The following ABCC9 variants were observed in gnomAD, a reference collection of about 807,000 sequenced individuals.
The protein encoded by ABCC9 is ATP-binding cassette sub-family C member 9.
ABCC9 carries 95 observed loss-of-function variants against 188.3 expected under a neutral mutation model. That is an observed-to-expected ratio of 0.50 (90% CI 0.43 to 0.60). The LOEUF is 0.60. Ranked by LOEUF, ABCC9 falls within the 20% of genes least tolerant of loss-of-function variation. The probability of loss-of-function intolerance (pLI) is 0.00; values close to 1 mark genes in which losing one functional copy is unlikely to be tolerated. For synonymous variants in ABCC9, 659 were observed against 652.7 expected, an observed-to-expected ratio of 1.01 and a Z score of -0.15; for missense variants, 1,102 against 1,876.3, an observed-to-expected ratio of 0.59 and a Z score of 7.62.
chr12:21,898,459 G>T (rs183111745), intron 12 of ABCC9, among the ~76,000 whole-genome samples: 113 of 152,230 alleles, frequency 7.4e-4, no homozygotes, highest in African/African-American at 2.5e-3. Flanking sequence ...GTGGTGCATT[G>T]CTGGAAGATA....
rs1944998336 is a variant in ABCC9, at chr12:21,852,077, T to A, written c.2769+20A>T. The A allele has an allele frequency of 1.3e-5, 21 of 1,613,416 alleles. No homozygotes were observed. The highest frequency in any genetic ancestry group is 1.7e-5 in the Non-Finnish European group (20 of 1,179,726). On this transcript the variant is annotated intron_variant, in intron 24 of 39. Coordinates refer to ENST00000261200, the MANE Select transcript of ABCC9 (RefSeq NM_020297.4). Reference sequence around the variant, plus strand: ...TCTTCTGAATTGGGCTCTGAACTCTTCTGAACTATGAGCACTTACCTTTTC... The same window carrying A: ...TCTTCTGAATTGGGCTCTGAACTCTACTGAACTATGAGCACTTACCTTTTC...
At chr12:21,902,163 A>G (rs948315320) in intron 12 of ABCC9, among the ~76,000 whole-genome samples, 1 of 152,232 alleles carries the variant, frequency 6.6e-6, no homozygotes, top group Non-Finnish European at 1.5e-5. Flanking sequence ...CCGCTCAACT[A>G]CATGGAAACT....
At chr12:21,921,508 C>T (rs930913505) in intron 5 of ABCC9, among the ~76,000 whole-genome samples, 7 of 151,940 alleles carry the variant, frequency 4.6e-5, no homozygotes, top group African/African-American at 1.7e-4. Context: ...AATATTTTCT[C>T]CCATTCTGTA....
chr12:21,882,481 T>C (rs949483930), intron 16 of ABCC9, among the ~76,000 whole-genome samples: 1 of 152,190 alleles, frequency 6.6e-6, no homozygotes, highest in Non-Finnish European at 1.5e-5. Flanking sequence ...TTGATAAACA[T>C]AGGAATACCA....
chr12:21,849,775 G>T (rs998768050), intron 24 of ABCC9, among the ~76,000 whole-genome samples: 1 of 152,158 alleles, frequency 6.6e-6, no homozygotes, highest in East Asian at 1.9e-4. Context: ...GCCAGGCCAG[G>T]TGAGGACAGT....
chr12:21,918,344 C>G (rs1948681872), intron 5 of ABCC9, among the ~76,000 whole-genome samples: 2 of 151,988 alleles, frequency 1.3e-5, no homozygotes, highest in Admixed American at 1.3e-4. Context: ...ATTTATAAAA[C>G]TATTTGAGAT....
chr12:21,849,266 G>T (rs1326209325), intron 24 of ABCC9, among the ~76,000 whole-genome samples: 1 of 152,006 alleles, frequency 6.6e-6, no homozygotes, highest in Non-Finnish European at 1.5e-5. Flanking sequence ...GACCTTGGTT[G>T]ATTTTTTTTG....
chr12:21,834,798 C>T (rs1312505366), intron 30 of ABCC9, among the ~76,000 whole-genome samples: 74 of 141,940 alleles, frequency 5.2e-4, no homozygotes, highest in African/African-American at 1.6e-3. Flanking sequence ...CACACACACA[C>T]ACACACACAC....
chr12:21,853,105 A>G (rs1046786285), intron 22 of ABCC9, among the ~76,000 whole-genome samples: 7 of 152,202 alleles, frequency 4.6e-5, no homozygotes, highest in African/African-American at 1.7e-4. Context: ...ACCTGAGGTC[A>G]GGAGTTCGAG....
chr12:21,827,059 T>TC, intron 31 of ABCC9: 1 of 957,932 alleles, frequency 1.0e-6, no homozygotes. Context: ...CAGGTGGAAT[T>TC]CAAGATACAG....
chr12:21,938,027 C>G (rs188991716), intron 2 of ABCC9: 2 of 152,250 alleles, frequency 1.3e-5, no homozygotes, highest in East Asian at 3.9e-4. Context: ...CCTTTTCTTT[C>G]TTTCCTTTCA....
intron 15 of ABCC9, among the ~76,000 whole-genome samples, chr12:21,883,621 T>G (rs1946731510): frequency 6.6e-6 from 1 of 152,162 alleles, no homozygotes; most frequent in Admixed American, 6.6e-5. Flanking sequence ...TATTGATAAT[T>G]CTCTGAATCA....
rs767036098 is a variant in ABCC9 at position 21,844,824 on chromosome 12, G to A, written c.3188C>T (p.Thr1063Ile). 1 of 1,613,960 alleles carries A rather than the reference G, an allele frequency of 6.2e-7. No individual in the cohort carries two copies. Among genetic ancestry groups the A allele is most frequent in the Non-Finnish European group, 8.5e-7 (1 of 1,179,876 alleles). ...TSLTVEWMGL[T>I]AAKNLHHNLL... is the part of the protein sequence containing the mutation. ...GTTGTGGTGAAGATTTTTGGCAGCT[G>A]TGAGACCCATCCATTCTACAGTGAG... The change falls in exon 27 of 40, where the codon ACA becomes ATA. Residue 1063 changes from threonine (T) to isoleucine (I), a missense_variant. This residue lies in a region of ABCC9 where 74 missense variants were observed against 132.7 expected (regional missense o/e 0.56). Coordinates refer to ENST00000261200, the MANE Select transcript of ABCC9 (RefSeq NM_020297.4).
chr12:21,810,865 A>AT (rs1167371505), intron 36 of ABCC9, among the ~76,000 whole-genome samples: 11 of 152,262 alleles, frequency 7.2e-5, no homozygotes, highest in African/African-American at 2.2e-4. Flanking sequence ...TCTTACATAC[A>AT]TTTTTTCTTT....
intron 6 of ABCC9, among the ~76,000 whole-genome samples, chr12:21,916,514 A>G (rs1322866916): frequency 6.6e-6 from 1 of 152,204 alleles, no homozygotes; most frequent in East Asian, 1.9e-4. Flanking sequence ...AGCCAAAGCT[A>G]TCTCTACATG....
At chr12:21,807,571 A>T in intron 37 of ABCC9, 92 bp from the exon 38 acceptor site, 1 of 1,546,252 alleles carries the variant, frequency 6.5e-7, no homozygotes, top group Non-Finnish European at 8.9e-7. Context: ...ATGTTGTATG[A>T]CAGCATGATG....
At chr12:21,940,493 A>G (rs916397320) in intron 2 of ABCC9, among the ~76,000 whole-genome samples, 1 of 152,230 alleles carries the variant, frequency 6.6e-6, no homozygotes, top group Admixed American at 6.5e-5. Context: ...CATGGCTATA[A>G]CTATGACAGA....
chr12:21,852,941 G>C (rs1360373807), intron 22 of ABCC9, among the ~76,000 whole-genome samples: 3 of 152,096 alleles, frequency 2.0e-5, no homozygotes, highest in Non-Finnish European at 4.4e-5. Context: ...GTATTACTCA[G>C]CAATCTATAA....
intron 7 of ABCC9, among the ~76,000 whole-genome samples, chr12:21,915,265 A>ATG (rs1948499902): frequency 9.1e-5 from 9 of 99,374 alleles, no homozygotes; most frequent in Non-Finnish European, 1.4e-4. Flanking sequence ...GTGTGTGTAT[A>ATG]TAATGTGTAT....
Sources: gnomAD v4.1 joint callset for allele counts (sites outside exome capture counted in the v4.1 genomes callset) on GRCh38, gnomAD v4.1.1 for gene constraint, gnomAD v4.1.1 regional missense constraint, MANE v1.5 for transcripts, NCBI Gene and HGNC (gene_info 2026-07-23, HGNC 2026-07-21) for gene names.